The following CACNB4 variants were observed in gnomAD, a reference collection of about 807,000 sequenced individuals.
CACNB4 encodes the protein voltage-dependent L-type calcium channel subunit beta-4.
CACNB4 carries 32 observed loss-of-function variants against 71.2 expected under a neutral mutation model. The ratio of observed to expected loss-of-function variants is 0.45; its 90% CI spans 0.34 to 0.60. CACNB4 has a LOEUF of 0.60. Ranked by LOEUF, CACNB4 falls within the 20% of genes least tolerant of loss-of-function variation. The probability of loss-of-function intolerance (pLI) is 0.01; values close to 1 mark genes in which losing one functional copy is unlikely to be tolerated. For synonymous variants in CACNB4, 231 were observed against 236.9 expected, an observed-to-expected ratio of 0.97 and a Z score of 0.23; for missense variants, 464 against 647.9, an observed-to-expected ratio of 0.72 and a Z score of 3.08.
chr2:151,867,215 G>A (rs950402535), intron 9 of CACNB4: 1 of 152,190 alleles, frequency 6.6e-6, no homozygotes, highest in Non-Finnish European at 1.5e-5. Context: ...GAAACCATGT[G>A]ACTCCATACA....
chr2:152,083,585 T>C (rs1249262827), intron 2 of CACNB4, among the ~76,000 whole-genome samples: 5 of 151,920 alleles, frequency 3.3e-5, no homozygotes, highest in Admixed American at 6.6e-5. Flanking sequence ...ACAGAAAGAG[T>C]AAAGCTGCTG....
At chr2:152,079,310 G>C (rs1055104545) in intron 2 of CACNB4, among the ~76,000 whole-genome samples, 5 of 151,758 alleles carry the variant, frequency 3.3e-5, no homozygotes, top group Non-Finnish European at 5.9e-5. Flanking sequence ...GGATGGTCTC[G>C]ATCTCCTGAC....
At chr2:152,003,536 C>G (rs1391165333) in intron 2 of CACNB4, among the ~76,000 whole-genome samples, 2 of 151,964 alleles carry the variant, frequency 1.3e-5, no homozygotes, top group African/African-American at 4.8e-5. Flanking sequence ...ATATTTTGAC[C>G]TCCTCTCCAA....
intron 2 of CACNB4, among the ~76,000 whole-genome samples, chr2:151,907,930 A>G (rs1486946665): frequency 6.6e-6 from 1 of 152,222 alleles, no homozygotes; most frequent in African/African-American, 2.4e-5. Context: ...TTGCAAAGAT[A>G]ACAACCAGGA....
intron 2 of CACNB4, among the ~76,000 whole-genome samples, chr2:151,916,536 G>C (rs985157711): frequency 1.3e-5 from 2 of 152,170 alleles, no homozygotes; most frequent in African/African-American, 4.8e-5. Flanking sequence ...TTTTAAAATA[G>C]TCGACTGAAA....
At chr2:151,954,860 T>TA (rs1377410678) in intron 2 of CACNB4, among the ~76,000 whole-genome samples, 9 of 142,348 alleles carry the variant, frequency 6.3e-5, no homozygotes, top group African/African-American at 2.1e-4. Context: ...CTTTTTTTTT[T>TA]TTTTTTTTTT....
intron 2 of CACNB4, among the ~76,000 whole-genome samples, chr2:152,020,254 C>A (rs974249951): frequency 1.3e-5 from 2 of 152,194 alleles, no homozygotes; most frequent in Non-Finnish European, 2.9e-5. Context: ...ATTTCTATGT[C>A]CATTTGGGTT....
chr2:151,910,449 G>A (rs2099855907), intron 2 of CACNB4, among the ~76,000 whole-genome samples: 1 of 152,152 alleles, frequency 6.6e-6, no homozygotes. Context: ...TTACATTTAT[G>A]TCTTTAATCC....
intron 2 of CACNB4, among the ~76,000 whole-genome samples, chr2:152,091,464 G>T (rs1687968893): frequency 1.3e-5 from 2 of 151,756 alleles, no homozygotes; most frequent in Admixed American, 6.6e-5. Flanking sequence ...GTGAAACCTG[G>T]TCTCTACTAA....
At chr2:152,068,074 A>C (rs1686448094) in intron 2 of CACNB4, among the ~76,000 whole-genome samples, 1 of 152,216 alleles carries the variant, frequency 6.6e-6, no homozygotes, top group Non-Finnish European at 1.5e-5. Context: ...TAAAGCTGAA[A>C]GACCTGCAAA....
At chr2:151,902,103 T>C (rs2099853605) in intron 2 of CACNB4, among the ~76,000 whole-genome samples, 2 of 145,638 alleles carry the variant, frequency 1.4e-5, no homozygotes, top group South Asian at 2.2e-4. Context: ...GGCACGATCA[T>C]AGTTCATTGC....
chr2:151,953,211 A>C (rs1375072447), intron 2 of CACNB4, among the ~76,000 whole-genome samples: 1 of 152,234 alleles, frequency 6.6e-6, no homozygotes, highest in East Asian at 1.9e-4. Context: ...TGTTCTCAGG[A>C]TTCTGCCAGT....
chr2:151,942,835 T>C (rs1180775865), intron 2 of CACNB4, among the ~76,000 whole-genome samples: 2 of 152,190 alleles, frequency 1.3e-5, no homozygotes, highest in African/African-American at 2.4e-5. Context: ...AAATTTATGG[T>C]CAGACCGGTT....
At chr2:151,915,411 C>T (rs1222300335) in intron 2 of CACNB4, among the ~76,000 whole-genome samples, 1 of 152,204 alleles carries the variant, frequency 6.6e-6, no homozygotes, top group South Asian at 2.1e-4. Flanking sequence ...TTAGGCAGTG[C>T]GAATCCCAGT....
chr2:151,989,586 C>T (rs969112696), intron 2 of CACNB4, among the ~76,000 whole-genome samples: 11 of 152,196 alleles, frequency 7.2e-5, no homozygotes, highest in African/African-American at 2.7e-4. Flanking sequence ...GTTCTTCACC[C>T]TCTGGCCACC....
intron 8 of CACNB4, 41 bp from the exon 9 acceptor site, chr2:151,869,276 CAGAGAG>C: frequency 1.7e-6 from 2 of 1,162,506 alleles, no homozygotes; most frequent in Non-Finnish European, 1.3e-6. Flanking sequence ...CAAACACATG[CAGAGAG>C]AGAGAGAGAA....
chr2:152,024,574 T>A (rs1203607421), intron 2 of CACNB4, among the ~76,000 whole-genome samples: 2 of 152,180 alleles, frequency 1.3e-5, no homozygotes, highest in Non-Finnish European at 2.9e-5. Context: ...CTTTGAATTG[T>A]GAAACAAAGC....
At chr2:151,951,577 A>G (rs927735988) in intron 2 of CACNB4, among the ~76,000 whole-genome samples, 2 of 152,238 alleles carry the variant, frequency 1.3e-5, no homozygotes, top group Non-Finnish European at 2.9e-5. Context: ...ATCATAAGTC[A>G]GGGCAATAAG....
intron 2 of CACNB4, among the ~76,000 whole-genome samples, chr2:152,083,561 G>GT (rs1395804268): frequency 2.6e-5 from 4 of 152,182 alleles, no homozygotes; most frequent in African/African-American, 9.7e-5. Context: ...AACACACAGT[G>GT]TTAAATGAAC....
Sources: allele counts gnomAD v4.1 joint callset (sites outside exome capture counted in the v4.1 genomes callset), GRCh38; gene constraint gnomAD v4.1.1; transcripts MANE v1.5; gene names NCBI Gene and HGNC (gene_info 2026-07-23, HGNC 2026-07-21).